MARCHF11: variants seen among roughly 807,000 people sequenced by gnomAD.
MARCHF11 encodes E3 ubiquitin-protein ligase MARCHF11.
A neutral mutation model predicts 37.3 loss-of-function variants in MARCHF11; 29 were observed. The ratio of observed to expected loss-of-function variants is 0.78; its 90% CI spans 0.58 to 1.06. The LOEUF (loss-of-function observed/expected upper bound fraction) is 1.06. Among genes scored for constraint, MARCHF11 ranks in the 50% least tolerant of loss-of-function variants. The probability of loss-of-function intolerance (pLI) is 0.00; values close to 1 mark genes in which losing one functional copy is unlikely to be tolerated. For missense variants in MARCHF11, 482 were observed against 533.4 expected (o/e 0.90, Z 0.95); for synonymous variants, 233 against 228.0 (o/e 1.02, Z -0.20).
At chr5:16,150,363 A>T (rs533504424) in intron 2 of MARCHF11, among the ~76,000 whole-genome samples, 13 of 149,296 alleles carry the variant, frequency 8.7e-5, no homozygotes, top group Non-Finnish European at 1.6e-4. Context: ...TTGAGGATAA[A>T]TGTGCTCCTG....
At chr5:16,132,868 A>G (rs929668552) in intron 2 of MARCHF11, among the ~76,000 whole-genome samples, 1 of 152,222 alleles carries the variant, frequency 6.6e-6, no homozygotes, top group African/African-American at 2.4e-5. Flanking sequence ...TAATTGCAAG[A>G]AAATAATAAA....
intron 2 of MARCHF11, among the ~76,000 whole-genome samples, chr5:16,109,536 C>T (rs557505955): frequency 1.5e-4 from 23 of 152,218 alleles, no homozygotes; most frequent in Non-Finnish European, 3.4e-4. Context: ...CCTTGCCTTA[C>T]GGATCTCTTC....
At chr5:16,130,563 T>C (rs1737500137) in intron 2 of MARCHF11, among the ~76,000 whole-genome samples, 1 of 152,116 alleles carries the variant, frequency 6.6e-6, no homozygotes, top group South Asian at 2.1e-4. Flanking sequence ...AAAAGAAAAC[T>C]TCTTGGTTCT....
chr5:16,179,075 C>CTGGTGG lies in MARCHF11; in HGVS notation c.495_500dup (p.His165_His166dup). Reference sequence around the variant, plus strand: ...CCTGGAAGCAGATCTTGCAGATGGGCTGGTGGTGCTGGTGCTGGTGCCCAG... The same window carrying CTGGTGG: ...CCTGGAAGCAGATCTTGCAGATGGGCTGGTGGTGGTGGTGCTGGTGCTGGTGCCCAG... On this transcript the variant is annotated inframe_insertion, in exon 1 of 4. Coordinates refer to ENST00000332432, the MANE Select transcript of MARCHF11 (RefSeq NM_001102562.3). The CTGGTGG allele has an allele frequency of 6.7e-7, 1 of 1,495,618 alleles. No individual in the cohort carries two copies. Among genetic ancestry groups the CTGGTGG allele is most frequent in the Non-Finnish European group, 8.9e-7 (1 of 1,129,076 alleles). The allele number at this position is 1,495,618 out of a possible 1,614,324, so 92.6% of individuals were successfully genotyped here.
At chr5:16,149,846 A>G (rs1319050631) in intron 2 of MARCHF11, among the ~76,000 whole-genome samples, 2 of 152,158 alleles carry the variant, frequency 1.3e-5, no homozygotes, top group Non-Finnish European at 1.5e-5. Flanking sequence ...GGAATACTAC[A>G]CAGCAATAAA....
chr5:16,067,378 A>T lies in MARCHF11; in HGVS notation c.*93T>A. ...AGCATAAATTTTAAAAAGTTCATAG[A>T]TGTGTTTTTAGAAGTGCTATGGTTT... is the stretch of plus-strand genomic sequence containing the variant. On this transcript the variant is annotated 3_prime_UTR_variant, in exon 4 of 4. Coordinates refer to ENST00000332432, the MANE Select transcript of MARCHF11 (RefSeq NM_001102562.3). The T allele has an allele frequency of 8.7e-6, 10 of 1,145,714 alleles. No individual in the cohort carries two copies. Among genetic ancestry groups the T allele is most frequent in the Non-Finnish European group, 1.1e-5 (9 of 801,736 alleles). 71.0% of individuals were successfully genotyped at this position (1,145,714 alleles called of 1,614,324 possible). A position where few individuals can be genotyped will look rare whatever the true frequency, so the allele number is the denominator to read the frequency against.
At chr5:16,122,755 G>A (rs568943724) in intron 2 of MARCHF11, among the ~76,000 whole-genome samples, 3 of 152,230 alleles carry the variant, frequency 2.0e-5, no homozygotes, top group Non-Finnish European at 2.9e-5. Flanking sequence ...GTGAGGAGTC[G>A]GGTGAGATGA....
At chr5:16,163,902 G>C (rs1178249634) in intron 2 of MARCHF11, among the ~76,000 whole-genome samples, 2 of 152,016 alleles carry the variant, frequency 1.3e-5, no homozygotes, top group Admixed American at 1.3e-4. Context: ...TCTTTGCCAT[G>C]TGATAACATG....
Position 16,126,319 on chromosome 5 carries a change from C to T in MARCHF11, c.694-35238G>A, listed in dbSNP as rs140453935. 6.2e-3 allele frequency among the ~76,000 whole-genome samples: 937 copies of T among 152,244 alleles called. 12 individuals are homozygous for T. Among genetic ancestry groups the T allele is most frequent in the Non-Finnish European group, 4.8e-3 (328 of 68,018 alleles). On this transcript the variant is annotated intron_variant, in intron 2 of 3. Transcript: ENST00000332432. ...TGATTAGCATGGTGCTCCCCAATTCCATGAGGCAACATGCCAAGAATGTAT... is the reference window on the plus strand; with the variant it reads ...TGATTAGCATGGTGCTCCCCAATTCTATGAGGCAACATGCCAAGAATGTAT...
At chr5:16,124,625 A>G (rs1185060058) in intron 2 of MARCHF11, among the ~76,000 whole-genome samples, 1 of 152,190 alleles carries the variant, frequency 6.6e-6, no homozygotes, top group Non-Finnish European at 1.5e-5. Flanking sequence ...ATAGACTTGC[A>G]GAGAATACAA....
chr5:16,109,103 TACACACACAC>T (rs3031633), intron 2 of MARCHF11, among the ~76,000 whole-genome samples: 44 of 141,416 alleles, frequency 3.1e-4, no homozygotes, highest in African/African-American at 6.0e-4. Context: ...ACATAAGAAA[TACACACACAC>T]ACACACACAC....
At chr5:16,162,702 C>A (rs914110779) in intron 2 of MARCHF11, among the ~76,000 whole-genome samples, 4 of 151,236 alleles carry the variant, frequency 2.6e-5, no homozygotes, top group Non-Finnish European at 5.9e-5. Context: ...TTATTCATTC[C>A]CAGTGACTAG....
chr5:16,142,890 T>C (rs1213282801), intron 2 of MARCHF11, among the ~76,000 whole-genome samples: 2 of 126,688 alleles, frequency 1.6e-5, no homozygotes, highest in East Asian at 2.3e-4. Flanking sequence ...CTGGCTTTTT[T>C]TTTTTTTTTT....
At chr5:16,074,102 C>T (rs1736478026) in intron 3 of MARCHF11, among the ~76,000 whole-genome samples, 1 of 152,164 alleles carries the variant, frequency 6.6e-6, no homozygotes, top group African/African-American at 2.4e-5. Context: ...AAAAGGAATA[C>T]TCAAAACCAT....
chr5:16,093,000 TA>T (rs1421227887), intron 2 of MARCHF11, among the ~76,000 whole-genome samples: 2 of 152,204 alleles, frequency 1.3e-5, no homozygotes, highest in African/African-American at 4.8e-5. Flanking sequence ...TTGAATGCAA[TA>T]TGGTGAGCAA....
At chr5:16,124,713 CAAG>C (rs1304273284) in intron 2 of MARCHF11, among the ~76,000 whole-genome samples, 2 of 141,632 alleles carry the variant, frequency 1.4e-5, no homozygotes, top group Non-Finnish European at 3.3e-5. Context: ...GATGCTATCT[CAAG>C]GAACTTTACT....
intron 2 of MARCHF11, among the ~76,000 whole-genome samples, chr5:16,100,285 C>A (rs867104269): frequency 7.2e-5 from 11 of 152,088 alleles, no homozygotes; most frequent in African/African-American, 1.2e-4. Context: ...GAAGTGGACA[C>A]GGGAGTAGGC....
chr5:16,086,271 G>GA (rs1736697110), intron 3 of MARCHF11, among the ~76,000 whole-genome samples: 1 of 152,082 alleles, frequency 6.6e-6, no homozygotes, highest in Admixed American at 6.5e-5. Context: ...TAAACCTAAT[G>GA]AAAAAATCTG....
rs1464575547 is a variant in MARCHF11 at position 16,179,473 on chromosome 5, G to T, written c.103C>A (p.Pro35Thr). 2 of 1,135,252 alleles carry T rather than the reference G, an allele frequency of 1.8e-6. No homozygotes were observed. Among genetic ancestry groups the T allele is most frequent in the Non-Finnish European group, 2.2e-6 (2 of 927,258 alleles). 70.3% of individuals were successfully genotyped at this position (1,135,252 alleles called of 1,614,324 possible). ...GGGACCGGGGCCGGCTCTCCCGGCGGCGGCGTCGGCGGCGGCGGCGGGGGA... is the reference window on the plus strand; with the variant it reads ...GGGACCGGGGCCGGCTCTCCCGGCGTCGGCGTCGGCGGCGGCGGCGGGGGA... The part of the protein sequence containing the change: ...QPPPPPPPTP[P>T]PGEPAPVPAA... Residue 35 changes from proline to threonine, a missense_variant, in exon 1 of 4, where the codon CCG (proline) becomes ACG (threonine). Transcript: ENST00000332432.
Sources: allele counts gnomAD v4.1 joint callset (sites outside exome capture counted in the v4.1 genomes callset), GRCh38; gene constraint gnomAD v4.1.1; transcripts MANE v1.5; gene names NCBI Gene and HGNC (gene_info 2026-07-23, HGNC 2026-07-21).